AKR1B15: variants seen among roughly 807,000 people sequenced by gnomAD.
The protein encoded by AKR1B15 is aldo-keto reductase family 1 member B15, also known as estradiol 17-beta-dehydrogenase AKR1B15.
AKR1B15 carries 49 observed loss-of-function variants against 38.5 expected under a neutral mutation model. That is an observed-to-expected ratio of 1.27 (90% CI 1.01 to 1.62). AKR1B15 has a LOEUF of 1.62. Ranked by LOEUF, AKR1B15 falls within the 40% of genes most tolerant of loss-of-function variation. AKR1B15 has a pLI of 0.00. For synonymous variants in AKR1B15, 137 were observed against 135.5 expected (o/e 1.01, Z -0.08); for missense variants, 411 against 381.6 (o/e 1.08, Z -0.64).
chr7:134,575,383 T>C, intron 6 of AKR1B15, 37 bp from the exon 7 acceptor site: 1 of 1,611,552 alleles, frequency 6.2e-7, no homozygotes, highest in Non-Finnish European at 8.5e-7. Flanking sequence ...CTGTAGTCCC[T>C]CTAGAGCTGC....
At chr7:134,562,441 G>C (rs1178874408) in intron 2 of AKR1B15, among the ~76,000 whole-genome samples, 1 of 150,534 alleles carries the variant, frequency 6.6e-6, no homozygotes, top group Admixed American at 6.6e-5. Flanking sequence ...CCATTTTACA[G>C]AGTGCTGATT....
rs150714393 is a variant in AKR1B15 at position 134,568,337 on chromosome 7, G to T, written c.318+12G>T. On this transcript the variant is annotated intron_variant, in intron 4 of 11. Coordinates refer to ENST00000457545, the MANE Select transcript of AKR1B15 (RefSeq NM_001080538.3). Reference sequence around the variant, plus strand: ...TCATCGTCAGCAAGGTGCACATGGCGCATTTGGTGGGAGGCCTTCACTTCA... The same window carrying T: ...TCATCGTCAGCAAGGTGCACATGGCTCATTTGGTGGGAGGCCTTCACTTCA... The T allele has an allele frequency of 6.2e-7, 1 of 1,613,054 alleles. No individual in the cohort carries two copies. Among genetic ancestry groups the T allele is most frequent in the Middle Eastern group, 1.7e-4 (1 of 6,052 alleles).
intron 2 of AKR1B15, among the ~76,000 whole-genome samples, chr7:134,558,379 C>T (rs1054275642): frequency 2.0e-5 from 3 of 152,280 alleles, no homozygotes; most frequent in East Asian, 1.9e-4. Flanking sequence ...CCCATTCTCA[C>T]GTGCAACCTC....
chr7:134,564,214 A>G (rs1174549868), intron 2 of AKR1B15, among the ~76,000 whole-genome samples: 6 of 151,920 alleles, frequency 3.9e-5, no homozygotes, highest in African/African-American at 1.5e-4. Flanking sequence ...ACTATCACAC[A>G]CTCTCAAAGG....
chr7:134,559,036 C>T (rs964565017), intron 2 of AKR1B15, among the ~76,000 whole-genome samples: 4 of 152,200 alleles, frequency 2.6e-5, no homozygotes, highest in African/African-American at 9.6e-5. Context: ...CCGCCACCTC[C>T]AGAATCATGA....
At chr7:134,557,076 G>A (rs1294548973) in intron 2 of AKR1B15, among the ~76,000 whole-genome samples, 1 of 152,160 alleles carries the variant, frequency 6.6e-6, no homozygotes, top group Non-Finnish European at 1.5e-5. Flanking sequence ...AGAAAATCTA[G>A]ATAGATGCCA....
intron 4 of AKR1B15, 96 bp downstream of exon 4, chr7:134,568,421 G>T (rs528583934): frequency 1.2e-4 from 183 of 1,520,150 alleles, no homozygotes; most frequent in Non-Finnish European, 1.6e-4. Flanking sequence ...CCTTTTCTAC[G>T]TGTACCCGTT....
At chr7:134,561,188 A>G (rs1794379274) in intron 2 of AKR1B15, among the ~76,000 whole-genome samples, 2 of 152,098 alleles carry the variant, frequency 1.3e-5, no homozygotes, top group African/African-American at 4.8e-5. Flanking sequence ...AGACTTTGTG[A>G]CCACCAGATT....
At chr7:134,578,338 T>C (rs6954930) in intron 11 of AKR1B15, among the ~76,000 whole-genome samples, 57,654 of 151,952 alleles carry the variant, frequency 0.38, 11,683 homozygotes, top group African/African-American at 0.52. Context: ...ATGCCATATG[T>C]ATATTTGGGG....
At chr7:134,562,870 C>CTT (rs1211217197) in intron 2 of AKR1B15, among the ~76,000 whole-genome samples, 1 of 141,836 alleles carries the variant, frequency 7.1e-6, no homozygotes, top group African/African-American at 2.7e-5. Flanking sequence ...TTCTTTCTTT[C>CTT]TTTCTTTCTT....
chr7:134,549,356 TC>T (rs1342077998), intron 1 of AKR1B15, 107 bp downstream of exon 1: 1 of 152,288 alleles, frequency 6.6e-6, no homozygotes, highest in East Asian at 1.9e-4. Flanking sequence ...AGTCCTGGTT[TC>T]TGTCAGGATT....
chr7:134,570,173 C>T (rs544236075), intron 5 of AKR1B15: 1 of 152,372 alleles, frequency 6.6e-6, no homozygotes, highest in Non-Finnish European at 1.5e-5. Context: ...ATGAAATAAG[C>T]CCCGGACTCC....
At position 134,564,597 on chromosome 7, in the gene AKR1B15, G is replaced by A. The variant is rs781468580; in HGVS notation, c.-22-1G>A. On this transcript the variant is annotated splice_acceptor_variant, in intron 2 of 11. Transcript: ENST00000457545. LOFTEE classifies it low-confidence loss of function (5UTR_SPLICE). ...CTCCTTGTCAAATTTGTTTCCTCTA[G>A]GATCGAGGCCATCAAGCTACAGATG... is the stretch of plus-strand genomic sequence containing the variant. 4.3e-6 allele frequency: 3 copies of A among 693,480 alleles called. No individual in the cohort carries two copies. In the South Asian group the frequency reaches 4.6e-5, roughly 11 times the overall value. The allele number at this position is 693,480 out of a possible 1,614,324, so 43.0% of individuals were successfully genotyped here.
At chr7:134,571,563 C>T (rs1223783758) in intron 5 of AKR1B15, 41 bp from the exon 6 acceptor site, 1 of 1,501,638 alleles carries the variant, frequency 6.7e-7, no homozygotes, top group African/African-American at 1.4e-5. Context: ...ACCAAGTGTC[C>T]TGATGCAGAT....
intron 6 of AKR1B15, chr7:134,573,283 A>G (rs1794701421): frequency 3.8e-6 from 3 of 797,948 alleles, no homozygotes; most frequent in East Asian, 1.3e-4. Context: ...CACCCGTCTC[A>G]GCCTCCCAAA....
intron 10 of AKR1B15, 39 bp from the exon 11 acceptor site, chr7:134,577,665 A>G: frequency 1.9e-6 from 3 of 1,601,440 alleles, no homozygotes; most frequent in Non-Finnish European, 2.6e-6. Flanking sequence ...CAGCAGTAAC[A>G]GCCTTACCGA....
Position 134,562,081 on chromosome 7 carries a change from T to A in AKR1B15, c.-22-2517T>A, listed in dbSNP as rs191630474. The stretch of plus-strand genomic sequence containing the variant: ...TCACTGCAACTTCCACCTCCTAGGT[T>A]CAAGCAATTCTCCTGTCTCAGCCTC... On this transcript the variant is annotated intron_variant, in intron 2 of 11. Coordinates refer to ENST00000457545, the MANE Select transcript of AKR1B15 (RefSeq NM_001080538.3). Among the ~76,000 whole-genome samples the A allele has an allele frequency of 2.8e-3, 433 of 152,246 alleles. 3 individuals carry two copies. Among genetic ancestry groups the A allele is most frequent in the Non-Finnish European group, 1.7e-3 (116 of 68,028 alleles).
At chr7:134,558,810 T>C (rs1420982228) in intron 2 of AKR1B15, among the ~76,000 whole-genome samples, 3 of 152,182 alleles carry the variant, frequency 2.0e-5, no homozygotes, top group African/African-American at 4.8e-5. Context: ...CTCTACCTTC[T>C]TTTCCCTTGG....
Position 134,571,657 on chromosome 7 carries a change from A to G in AKR1B15, c.489A>G (p.Lys163=), listed in dbSNP as rs1794669727. 6.2e-7 allele frequency: 1 copy of G among 1,613,664 alleles called. No individual in the cohort carries two copies. Among genetic ancestry groups the G allele is most frequent in the Admixed American group, 1.7e-5 (1 of 59,942 alleles). The stretch of plus-strand genomic sequence containing the variant: ...ATAAAGGTAATATGATCAGTGGAAA[A>G]GGAACGTTCTTGGATGCCTGGGAGG... The part of the protein sequence containing the change: ...KDDKGNMISG[K]GTFLDAWEAM... Residue 163 remains lysine (K), a synonymous_variant, in exon 6 of 12, where the codon AAA becomes AAG. Coordinates refer to ENST00000457545, the MANE Select transcript of AKR1B15 (RefSeq NM_001080538.3).
Sources: gnomAD v4.1 joint callset for allele counts (sites outside exome capture counted in the v4.1 genomes callset) on GRCh38, gnomAD v4.1.1 for gene constraint, MANE v1.5 for transcripts, NCBI Gene and HGNC (gene_info 2026-07-23, HGNC 2026-07-21) for gene names.